Variants in KCNB2 observed in about 807,000 individuals in gnomAD.
The protein encoded by KCNB2 is potassium voltage-gated channel subfamily B member 2, also known as delayed rectifier potassium channel protein.
A neutral mutation model predicts 61.5 loss-of-function variants in KCNB2; 15 were observed. That is an observed-to-expected ratio of 0.24 (90% confidence interval 0.16 to 0.38). The LOEUF (loss-of-function observed/expected upper bound fraction) is 0.38. KCNB2 is among the 10% of genes least tolerant of loss of function. The pLI is 1.00. For missense variants in KCNB2, 828 were observed against 1,125.2 expected, an observed-to-expected ratio of 0.74 and a Z score of 3.78; for synonymous variants, 457 against 446.0, an observed-to-expected ratio of 1.02 and a Z score of -0.31.
chr8:72,848,246 T>C (rs1460879247), intron 2 of KCNB2, among the ~76,000 whole-genome samples: 15 of 152,210 alleles, frequency 9.9e-5, no homozygotes, highest in Admixed American at 9.8e-4. Context: ...GTTTTCCAGA[T>C]ATGAAAGGGC....
chr8:72,901,571 G>C (rs1159608665), intron 2 of KCNB2, among the ~76,000 whole-genome samples: 2 of 151,996 alleles, frequency 1.3e-5, no homozygotes, highest in Non-Finnish European at 2.9e-5. Flanking sequence ...AATTTCTTTT[G>C]TACAGCTGCA....
chr8:72,825,235 T>G (rs1204411967), intron 2 of KCNB2, among the ~76,000 whole-genome samples: 2 of 152,230 alleles, frequency 1.3e-5, no homozygotes, highest in Admixed American at 1.3e-4. Flanking sequence ...TTCCTTCCTT[T>G]TTAAGGCTAA....
intron 2 of KCNB2, among the ~76,000 whole-genome samples, chr8:72,612,855 C>T (rs2128983516): frequency 6.6e-6 from 1 of 152,236 alleles, no homozygotes. Flanking sequence ...AGAAAATCAG[C>T]AGGAATGTTC....
intron 2 of KCNB2, among the ~76,000 whole-genome samples, chr8:72,841,361 C>CTTTTTTTTT (rs796222096): frequency 1.5e-5 from 1 of 66,190 alleles, no homozygotes. Context: ...GTTTTCTTTT[C>CTTTTTTTTT]TTTTTTTTTT....
rs187283707 is a variant in KCNB2 at position 72,634,951 on chromosome 8, G to A, written c.579+66638G>A. 7.7e-4 allele frequency among the ~76,000 whole-genome samples: 118 copies of A among 152,304 alleles called. 1 individual carries two copies. The highest frequency in any genetic ancestry group is 5.8e-4 in the East Asian group (3 of 5,192). ...TAAGCCCCCTAGAATTCTTTGGAAA[G>A]CCTGGAGACATGCTAGCTTTTATCA... On this transcript the variant is annotated intron_variant, in intron 2 of 2. Coordinates refer to ENST00000523207, the MANE Select transcript of KCNB2 (RefSeq NM_004770.3).
intron 2 of KCNB2, among the ~76,000 whole-genome samples, chr8:72,571,525 A>C (rs1488493251): frequency 6.6e-6 from 1 of 152,264 alleles, no homozygotes; most frequent in African/African-American, 2.4e-5. Flanking sequence ...GGCTAATAGA[A>C]ATACTTATTT....
At chr8:72,902,561 A>T (rs1215696141) in intron 2 of KCNB2, among the ~76,000 whole-genome samples, 2 of 152,164 alleles carry the variant, frequency 1.3e-5, no homozygotes, top group African/African-American at 2.4e-5. Context: ...TTTGAGCTAG[A>T]TTTGACCAAA....
At chr8:72,832,913 A>G (rs1298782505) in intron 2 of KCNB2, among the ~76,000 whole-genome samples, 3 of 152,134 alleles carry the variant, frequency 2.0e-5, no homozygotes, top group Non-Finnish European at 4.4e-5. Context: ...TTCCAAGGCT[A>G]TTTGCTATAT....
chr8:72,867,319 T>C (rs775756032), intron 2 of KCNB2, among the ~76,000 whole-genome samples: 15 of 152,224 alleles, frequency 9.9e-5, no homozygotes, highest in African/African-American at 3.6e-4. Context: ...GTTACCTATA[T>C]TGTACAATAA....
chr8:72,823,340 C>A (rs757629424), intron 2 of KCNB2, among the ~76,000 whole-genome samples: 2 of 152,056 alleles, frequency 1.3e-5, no homozygotes, highest in Non-Finnish European at 2.9e-5. Flanking sequence ...TTCCCTGTTG[C>A]CATGGTAAAG....
At chr8:72,568,449 C>A in intron 2 of KCNB2, 136 bp downstream of exon 2, 1 of 715,044 alleles carries the variant, frequency 1.4e-6, no homozygotes. Flanking sequence ...AAAATCCTTT[C>A]CAAAATCTTA....
At chr8:72,625,905 A>G (rs192042333) in intron 2 of KCNB2, among the ~76,000 whole-genome samples, 1 of 152,316 alleles carries the variant, frequency 6.6e-6, no homozygotes, top group East Asian at 1.9e-4. Flanking sequence ...CAGTCCCATG[A>G]TAATGCAATA....
chr8:72,923,512 G>A (rs1806567756), intron 2 of KCNB2, among the ~76,000 whole-genome samples: 1 of 152,046 alleles, frequency 6.6e-6, no homozygotes, highest in Non-Finnish European at 1.5e-5. Flanking sequence ...AGCTGTCCCT[G>A]AATTCCAAAG....
intron 2 of KCNB2, among the ~76,000 whole-genome samples, chr8:72,668,178 G>A (rs1287258607): frequency 6.6e-6 from 1 of 152,164 alleles, no homozygotes; most frequent in African/African-American, 2.4e-5. Flanking sequence ...CAGTGTATGT[G>A]ACAACACATA....
intron 2 of KCNB2, among the ~76,000 whole-genome samples, chr8:72,662,913 A>G (rs1806403931): frequency 6.6e-6 from 1 of 152,184 alleles, no homozygotes; most frequent in Non-Finnish European, 1.5e-5. Flanking sequence ...CTTTTTGAAT[A>G]TGGTGAAATG....
chr8:72,678,899 T>C (rs781157986), intron 2 of KCNB2, among the ~76,000 whole-genome samples: 2 of 152,202 alleles, frequency 1.3e-5, no homozygotes, highest in Non-Finnish European at 2.9e-5. Context: ...TTTGTTTGCT[T>C]CTCTTTATCC....
intron 2 of KCNB2, among the ~76,000 whole-genome samples, chr8:72,658,508 C>G (rs923389306): frequency 3.3e-5 from 5 of 152,172 alleles, no homozygotes; most frequent in Non-Finnish European, 7.4e-5. Flanking sequence ...GATACAGAAG[C>G]TGCAAGTTTT....
chr8:72,743,589 C>T (rs1457646260), intron 2 of KCNB2, among the ~76,000 whole-genome samples: 2 of 152,196 alleles, frequency 1.3e-5, no homozygotes, highest in African/African-American at 4.8e-5. Context: ...ATCCTTGGCG[C>T]TGAGCCCATG....
chr8:72,780,680 C>T (rs1008977692), intron 2 of KCNB2, among the ~76,000 whole-genome samples: 57 of 152,250 alleles, frequency 3.7e-4, no homozygotes, highest in African/African-American at 1.3e-3. Flanking sequence ...CTGCAATGAA[C>T]ATATGTGTGC....
Sources: allele counts gnomAD v4.1 joint callset (sites outside exome capture counted in the v4.1 genomes callset), GRCh38; gene constraint gnomAD v4.1.1; transcripts MANE v1.5; gene names NCBI Gene and HGNC (gene_info 2026-07-23, HGNC 2026-07-21).